NSL1: variants seen among roughly 807,000 people sequenced by gnomAD.
NSL1 encodes kinetochore-associated protein NSL1 homolog.
Under a neutral mutation model 25.4 loss-of-function variants are expected in NSL1, and 11 were observed. The ratio of observed to expected loss-of-function variants is 0.43; its 90% CI spans 0.27 to 0.72. The LOEUF is 0.72. NSL1 is among the 30% of genes least tolerant of loss of function. NSL1 has a pLI of 0.19. For missense variants in NSL1, 330 were observed against 342.7 expected (o/e 0.96, Z 0.29); for synonymous variants, 118 against 120.6 (o/e 0.98, Z 0.14).
chr1:212,730,053 C>G lies in NSL1; in HGVS notation c.*8355G>C. 2.2e-6 allele frequency: 2 copies of G among 901,998 alleles called. No individual in the cohort carries two copies. The highest frequency in any genetic ancestry group is 2.7e-6 in the Non-Finnish European group (2 of 754,450). 55.9% of individuals were successfully genotyped at this position (901,998 alleles called of 1,614,324 possible). ...ATCACCTGAGGTCAGGAGTTCGAGA[C>G]CAGCCTGACCAACATGGCAAAACCT... On this transcript the variant is annotated 3_prime_UTR_variant, in exon 6 of 6. Transcript: ENST00000366977.
chr1:212,758,702 C>A (rs1659421279), intron 4 of NSL1, among the ~76,000 whole-genome samples: 1 of 152,164 alleles, frequency 6.6e-6, no homozygotes, highest in African/African-American at 2.4e-5. Context: ...GATAGCATTA[C>A]TCTCAAAGTG....
chr1:212,790,998 T>A (rs1187592043), intron 1 of NSL1, among the ~76,000 whole-genome samples: 1 of 152,120 alleles, frequency 6.6e-6, no homozygotes, highest in Non-Finnish European at 1.5e-5. Flanking sequence ...CTTGGGTGAA[T>A]GGCTGACTTC....
intron 4 of NSL1, among the ~76,000 whole-genome samples, chr1:212,765,839 T>A (rs1659780413): frequency 6.6e-6 from 1 of 150,708 alleles, no homozygotes; most frequent in Admixed American, 6.6e-5. Flanking sequence ...CATCTCTTTA[T>A]GATTAAAAAC....
intron 4 of NSL1, among the ~76,000 whole-genome samples, chr1:212,746,494 T>C (rs1455443044): frequency 6.6e-6 from 1 of 151,998 alleles, no homozygotes; most frequent in Non-Finnish European, 1.5e-5. Context: ...ATTGTGGAAG[T>C]AAAAAAGTAT....
rs1658025797 is a variant in NSL1, at chr1:212,731,796, T to C, written c.*6612A>G. 1.0e-6 allele frequency: 1 copy of C among 985,422 alleles called. No homozygotes were observed. The highest frequency in any genetic ancestry group is 1.2e-6 in the Non-Finnish European group (1 of 829,906). The allele number at this position is 985,422 out of a possible 1,614,324, so 61.0% of individuals were successfully genotyped here. On this transcript the variant is annotated 3_prime_UTR_variant, in exon 6 of 6. Transcript: ENST00000366977. ...AGCTGGTGTTCAGACAGTCACACTG[T>C]TACAAACATATGGATTGTACTGGTT...
intron 2 of NSL1, 64 bp downstream of exon 2, chr1:212,787,495 T>C (rs929143544): frequency 1.7e-5 from 21 of 1,259,202 alleles, no homozygotes; most frequent in Admixed American, 4.3e-5. Flanking sequence ...AAAAACAGCA[T>C]TCAAAACAAA....
intron 2 of NSL1, among the ~76,000 whole-genome samples, chr1:212,786,944 A>G (rs1660972097): frequency 6.6e-6 from 1 of 151,264 alleles, no homozygotes; most frequent in Non-Finnish European, 1.5e-5. Flanking sequence ...ACTTTAGGAG[A>G]TTGAGGCTAG....
intron 4 of NSL1, among the ~76,000 whole-genome samples, chr1:212,777,867 A>G (rs2102393120): frequency 6.6e-6 from 1 of 152,372 alleles, no homozygotes; most frequent in Middle Eastern, 3.4e-3. Context: ...TTTCTTTCAA[A>G]TATGTGAAAT....
chr1:212,746,486 T>C (rs1157229779), intron 4 of NSL1, among the ~76,000 whole-genome samples: 1 of 152,086 alleles, frequency 6.6e-6, no homozygotes, highest in Non-Finnish European at 1.5e-5. Context: ...ATGGAGGAAT[T>C]GTGGAAGTAA....
chr1:212,770,225 A>G (rs1010243078), intron 4 of NSL1, among the ~76,000 whole-genome samples: 3 of 152,182 alleles, frequency 2.0e-5, no homozygotes, highest in African/African-American at 7.2e-5. Context: ...AGAGACACCA[A>G]CACAATAGTA....
intron 4 of NSL1, chr1:212,766,391 C>T (rs1460052481): frequency 2.3e-6 from 1 of 427,874 alleles, no homozygotes; most frequent in Non-Finnish European, 4.1e-6. Flanking sequence ...GGAACCCAAA[C>T]TGTCACTGTT....
rs1220161104 is a variant in NSL1, at chr1:212,730,933, G to A, written c.*7475C>T. 7.1e-6 allele frequency: 7 copies of A among 985,262 alleles called. No homozygotes were observed. The highest frequency in any genetic ancestry group is 8.4e-6 in the Non-Finnish European group (7 of 829,922). 61.0% of individuals were successfully genotyped at this position (985,262 alleles called of 1,614,324 possible). A position where few individuals can be genotyped will look rare whatever the true frequency, so the allele number is the denominator to read the frequency against. On this transcript the variant is annotated 3_prime_UTR_variant, in exon 6 of 6. Coordinates refer to ENST00000366977, the MANE Select transcript of NSL1 (RefSeq NM_015471.4). ...AGGGAAACCGACAAGTTAGAAATTT[G>A]CAATATGAACTCATTCATTCAACGA...
intron 4 of NSL1, among the ~76,000 whole-genome samples, chr1:212,763,024 T>C (rs975667576): frequency 6.6e-6 from 1 of 152,192 alleles, no homozygotes; most frequent in Non-Finnish European, 1.5e-5. Flanking sequence ...CGTCCGGCCT[T>C]ATGGGCATAT....
Position 212,735,531 on chromosome 1 carries a change from A to G in NSL1, c.*2877T>C, listed in dbSNP as rs570030362. ...AAAGGGCCAGGGAAAGAGGTCTAGG[A>G]TAAGATTTTCTGTGGGCTTGTGTTA... On this transcript the variant is annotated 3_prime_UTR_variant, in exon 6 of 6. Coordinates refer to ENST00000366977, the MANE Select transcript of NSL1 (RefSeq NM_015471.4). 11 of 985,406 alleles carry G rather than the reference A, an allele frequency of 1.1e-5. No individual in the cohort carries two copies. The East Asian group carries it at 7.9e-4, about 71-fold the overall frequency. 61.0% of individuals were successfully genotyped at this position (985,406 alleles called of 1,614,324 possible).
At chr1:212,785,487 C>T (rs1660903734) in intron 2 of NSL1, among the ~76,000 whole-genome samples, 1 of 152,024 alleles carries the variant, frequency 6.6e-6, no homozygotes, top group African/African-American at 2.4e-5. Context: ...CTATCCCTCC[C>T]CACTCCCCCG....
chr1:212,726,967 G>A lies in NSL1; in HGVS notation c.*11441C>T. 7.6e-6 allele frequency: 5 copies of A among 656,140 alleles called. No individual in the cohort carries two copies. The South Asian group carries it at 1.1e-4, about 14-fold the overall frequency. The allele number at this position is 656,140 out of a possible 1,614,324, so 40.6% of individuals were successfully genotyped here. On this transcript the variant is annotated 3_prime_UTR_variant, in exon 6 of 6. Coordinates refer to ENST00000366977, the MANE Select transcript of NSL1 (RefSeq NM_015471.4). ...CTTCATGGTGGGTGAAGAGCACAGG[G>A]AGAGTGTGCTTCCTGGCTGTGTCCT...
chr1:212,752,264 C>T (rs1290653522), intron 4 of NSL1, among the ~76,000 whole-genome samples: 2 of 152,110 alleles, frequency 1.3e-5, no homozygotes, highest in Non-Finnish European at 2.9e-5. Context: ...TTTATTTATA[C>T]ATTTTTTTCC....
rs140675222 is a variant in NSL1 at position 212,733,433 on chromosome 1, C to CAAA, written c.*4972_*4974dup. Among the ~76,000 whole-genome samples, 24 of 135,896 alleles carry CAAA rather than the reference C, an allele frequency of 1.8e-4. No homozygotes were observed. Among genetic ancestry groups the CAAA allele is most frequent in the African/African-American group, 4.6e-4 (17 of 37,216 alleles). 89.2% of individuals were successfully genotyped at this position (135,896 alleles called of 152,430 possible). The stretch of plus-strand genomic sequence containing the variant: ...GGCAACACAGCAAGACCTTGTTTCA[C>CAAA]AAAAAAAAAAAAAAAAAAATCCCAT... On this transcript the variant is annotated 3_prime_UTR_variant, in exon 6 of 6. Transcript: ENST00000366977.
chr1:212,748,094 T>C (rs1553251852), intron 4 of NSL1, among the ~76,000 whole-genome samples: 2 of 152,216 alleles, frequency 1.3e-5, no homozygotes, highest in African/African-American at 2.4e-5. Flanking sequence ...TGATTGTAGA[T>C]AAATACTATA....
Sources: allele counts gnomAD v4.1 joint callset (sites outside exome capture counted in the v4.1 genomes callset), GRCh38; gene constraint gnomAD v4.1.1; transcripts MANE v1.5; gene names NCBI Gene and HGNC (gene_info 2026-07-23, HGNC 2026-07-21).